The following TUBGCP5 variants were observed in gnomAD, a reference collection of about 807,000 sequenced individuals.
TUBGCP5 encodes tubulin gamma complex component 5, also known as gamma-tubulin complex component 5.
TUBGCP5 carries 98 observed loss-of-function variants against 134.7 expected under a neutral mutation model. The ratio of observed to expected loss-of-function variants is 0.73; its 90% CI spans 0.62 to 0.86. The LOEUF (loss-of-function observed/expected upper bound fraction) is 0.86. Among genes scored for constraint, TUBGCP5 ranks in the 40% least tolerant of loss-of-function variants. The pLI is 0.00. For missense variants in TUBGCP5, 1,150 were observed against 1,244.8 expected, an observed-to-expected ratio of 0.92 and a Z score of 1.15; for synonymous variants, 456 against 431.4, an observed-to-expected ratio of 1.06 and a Z score of -0.71.
chr15:23,024,794 C>A lies in TUBGCP5; in HGVS notation c.864G>T (p.Gln288His). Residue 288 changes from glutamine to histidine, a missense_variant, in exon 9 of 23, where the codon CAG becomes CAT. By Grantham distance (24) the Gln-to-His change is conservative (BLOSUM62 0). Coordinates refer to ENST00000615383, the MANE Select transcript of TUBGCP5 (RefSeq NM_052903.6). Reference sequence around the variant, plus strand: ...TCACAGTTACCTTCCCATCTATCAACTGAAATATAAAGAGCTTTTTCACTC... The same window carrying A: ...TCACAGTTACCTTCCCATCTATCAAATGAAATATAAAGAGCTTTTTCACTC... ...LSGVKKLFIF[Q>H]LIDGKVTVRN... 6.3e-7 allele frequency: 1 copy of A among 1,597,464 alleles called. No individual in the cohort carries two copies. Among genetic ancestry groups the A allele is most frequent in the South Asian group, 1.1e-5 (1 of 88,962 alleles).
At chr15:22,990,722 T>G (rs1462048073) in intron 23 of TUBGCP5, among the ~76,000 whole-genome samples, 1 of 152,086 alleles carries the variant, frequency 6.6e-6, no homozygotes, top group African/African-American at 2.4e-5. Context: ...ACAGTTACCT[T>G]ATGTGAAGAA....
In TUBGCP5 at chr15:23,026,108, T is replaced by C. The variant is rs115767254; in HGVS notation, c.827+8A>G. 819 of 1,598,820 alleles carry C rather than the reference T, an allele frequency of 5.1e-4. 3 individuals carry two copies. In the African/African-American group the frequency reaches 7.2e-3, roughly 14 times the overall value. ...ATAAAGACTATTAATTAAATGAACATTTCTTACCATAGGGTTTCCCGAATA... is the reference window on the plus strand; with the variant it reads ...ATAAAGACTATTAATTAAATGAACACTTCTTACCATAGGGTTTCCCGAATA... On this transcript the variant is annotated splice_region_variant and intron_variant, in intron 8 of 22. Coordinates refer to ENST00000615383, the MANE Select transcript of TUBGCP5 (RefSeq NM_052903.6).
chr15:23,023,718 T>C (rs1014565390), intron 10 of TUBGCP5: 3 of 390,536 alleles, frequency 7.7e-6, no homozygotes, highest in Non-Finnish European at 1.4e-5. Context: ...GCTGGGGTAC[T>C]GGTGCAGGAA....
At chr15:23,032,094 C>A in intron 4 of TUBGCP5, 65 bp from the exon 5 acceptor site, 2 of 1,260,790 alleles carry the variant, frequency 1.6e-6, no homozygotes, top group Admixed American at 2.1e-5. Context: ...AACCTCAAAA[C>A]TAAGGAAAAA....
chr15:23,007,133 G>T (rs188881681), intron 16 of TUBGCP5, among the ~76,000 whole-genome samples: 8 of 152,190 alleles, frequency 5.3e-5, no homozygotes, highest in Non-Finnish European at 4.4e-5. Flanking sequence ...CTCTTTGCCG[G>T]GTGCGGTGGC....
At chr15:22,988,325 G>A (rs2063740851) in intron 23 of TUBGCP5, among the ~76,000 whole-genome samples, 1 of 151,930 alleles carries the variant, frequency 6.6e-6, no homozygotes, top group South Asian at 2.1e-4. Context: ...ACAGCCACAA[G>A]TCATAGAATG....
At chr15:23,011,629 C>T (rs984411167) in intron 13 of TUBGCP5, among the ~76,000 whole-genome samples, 1 of 149,274 alleles carries the variant, frequency 6.7e-6, no homozygotes, top group Non-Finnish European at 1.5e-5. Context: ...CTCAGCCTCC[C>T]AAGTAGCTGG....
intron 23 of TUBGCP5, among the ~76,000 whole-genome samples, chr15:22,988,620 C>T (rs901335653): frequency 8.6e-5 from 13 of 151,234 alleles, no homozygotes; most frequent in African/African-American, 2.7e-4. Flanking sequence ...CCTGTAGTCC[C>T]AGCTACTCGG....
At position 23,030,972 on chromosome 15, in the gene TUBGCP5, T is replaced by A; in HGVS notation, c.535A>T (p.Arg179Ter). ...EEENDQQPLSREDSGIQVDRT... is the reference protein window; with the variant it reads ...EEENDQQPLS ...TCTACCTGAATTCCAGAGTCCTCTCTGCTTAAGGGCTGTTGATCATTTTCC... is the reference window on the plus strand; with the variant it reads ...TCTACCTGAATTCCAGAGTCCTCTCAGCTTAAGGGCTGTTGATCATTTTCC... Residue 179 changes from arginine to a stop codon, truncating the protein, a stop_gained, in exon 6 of 23, where the codon AGA becomes TGA. Coordinates refer to ENST00000615383, the MANE Select transcript of TUBGCP5 (RefSeq NM_052903.6). LOFTEE classifies it high-confidence loss of function. 1 of 1,613,434 alleles carries A rather than the reference T, an allele frequency of 6.2e-7. No homozygotes were observed. Among genetic ancestry groups the A allele is most frequent in the Non-Finnish European group, 8.5e-7 (1 of 1,179,824 alleles).
intron 23 of TUBGCP5, among the ~76,000 whole-genome samples, chr15:22,983,919 C>T (rs2063605591): frequency 6.6e-6 from 1 of 151,732 alleles, no homozygotes; most frequent in African/African-American, 2.4e-5. Context: ...CTCAGGGGTT[C>T]GAGACCAGCC....
intron 14 of TUBGCP5, 56 bp downstream of exon 14, chr15:23,011,077 A>C: frequency 6.4e-7 from 1 of 1,566,942 alleles, no homozygotes; most frequent in Non-Finnish European, 8.8e-7. Flanking sequence ...ACAGTTAGCA[A>C]ACATTGCACA....
Position 23,022,173 on chromosome 15 carries a change from A to T in TUBGCP5, c.1169-12T>A. 1 of 1,612,994 alleles carries T rather than the reference A, an allele frequency of 6.2e-7. No individual in the cohort carries two copies. The highest frequency in any genetic ancestry group is 1.1e-5 in the South Asian group (1 of 91,066). On this transcript the variant is annotated splice_polypyrimidine_tract_variant and intron_variant, in intron 10 of 22. Transcript: ENST00000615383. ...AGTTATTGTAGTATCTGCAAATATC[A>T]ATAAATCAAACTCAACAGCAAGGAA...
intron 23 of TUBGCP5, among the ~76,000 whole-genome samples, chr15:22,990,239 C>T (rs2063806394): frequency 6.6e-6 from 1 of 151,646 alleles, no homozygotes; most frequent in African/African-American, 2.4e-5. Flanking sequence ...CCTTCTCCCA[C>T]TCCTCCCCCT....
At position 23,011,338 on chromosome 15, in the gene TUBGCP5, CAT is replaced by C. The variant is rs928549662; in HGVS notation, c.1757-9_1757-8del. On this transcript the variant is annotated splice_region_variant and splice_polypyrimidine_tract_variant and intron_variant, in intron 13 of 22. Transcript: ENST00000615383. ...AAACTTTTTCTTTCTGCATCTGAAA[CAT>C]AAAGAAATATGTAAGGTGAACTAAG... The C allele has an allele frequency of 6.2e-7, 1 of 1,606,044 alleles. No individual in the cohort carries two copies. The highest frequency in any genetic ancestry group is 8.5e-7 in the Non-Finnish European group (1 of 1,174,930).
At chr15:22,996,897 G>C (rs1372283151), downstream of TUBGCP5, 4 of 152,068 alleles carry the variant, frequency 2.6e-5, no homozygotes, top group Non-Finnish European at 5.9e-5. Context: ...CTCCCCGGAG[G>C]TTGAGGCTTC....
intron 23 of TUBGCP5, among the ~76,000 whole-genome samples, chr15:22,985,269 A>G (rs912672371): frequency 1.3e-5 from 2 of 151,916 alleles, no homozygotes; most frequent in African/African-American, 4.8e-5. Flanking sequence ...CCCAGGCTGG[A>G]GTACAATGGC....
At position 23,032,718 on chromosome 15, in the gene TUBGCP5, A is replaced by G; in HGVS notation, c.406+10T>C. On this transcript the variant is annotated intron_variant, in intron 4 of 22. Coordinates refer to ENST00000615383, the MANE Select transcript of TUBGCP5 (RefSeq NM_052903.6). ...TTACTTCTCATATGTTAAGGAATCT[A>G]GTAACATACCCACTTCTTTATTTCT... 6.5e-7 allele frequency: 1 copy of G among 1,533,714 alleles called. No homozygotes were observed. The highest frequency in any genetic ancestry group is 8.8e-7 in the Non-Finnish European group (1 of 1,136,198).
At chr15:22,985,399 G>T (rs1229709934) in intron 23 of TUBGCP5, among the ~76,000 whole-genome samples, 2 of 151,758 alleles carry the variant, frequency 1.3e-5, no homozygotes, top group Non-Finnish European at 2.9e-5. Context: ...TGTATTTTTA[G>T]TAGAGATGGG....
chr15:22,988,165 G>T (rs1202931545), intron 23 of TUBGCP5, among the ~76,000 whole-genome samples: 2 of 151,802 alleles, frequency 1.3e-5, no homozygotes, highest in African/African-American at 4.9e-5. Flanking sequence ...AAGAGTCTTA[G>T]CGGATCTAAG....
Sources: gnomAD v4.1 joint callset for allele counts (sites outside exome capture counted in the v4.1 genomes callset) on GRCh38, gnomAD v4.1.1 for gene constraint, MANE v1.5 for transcripts, NCBI Gene and HGNC (gene_info 2026-07-23, HGNC 2026-07-21) for gene names.